Variants in CUX1 observed in about 807,000 individuals in gnomAD.
CUX1 encodes the protein cut like homeobox 1.
In CUX1, 31 loss-of-function variants were observed where a neutral mutation model predicts 158.8. The observed-to-expected ratio is 0.20, with a 90% CI of 0.15 to 0.26. CUX1 has a LOEUF of 0.26. CUX1 is among the 10% of genes least tolerant of loss of function. The probability of loss-of-function intolerance (pLI) is 1.00; values close to 1 mark genes in which losing one functional copy is unlikely to be tolerated. For synonymous variants in CUX1, 879 were observed against 862.1 expected, an observed-to-expected ratio of 1.02 and a Z score of -0.34; for missense variants, 1,589 against 2,014.6, an observed-to-expected ratio of 0.79 and a Z score of 4.04.
At position 102,248,941 on chromosome 7, in the gene CUX1, G is replaced by A; in HGVS notation, c.4417G>A (p.Asp1473Asn). ...GGCCGCGGGCGCCCGGGACTCGCGC[G>A]ACAACCCCCTGCGCAAGAAGAAGGC... is the stretch of plus-strand genomic sequence containing the variant. ...PEAAGARDSRDNPLRKKKAAN... is the reference protein window; with the variant it reads ...PEAAGARDSRNNPLRKKKAAN... Residue 1473 changes from aspartate to asparagine, a missense_variant, in exon 24 of 24, where the codon GAC becomes AAC. By Grantham distance (23) the Asp-to-Asn change is conservative. Coordinates refer to ENST00000292535, the MANE Select transcript of CUX1 (RefSeq NM_181552.4). The surrounding 1 kb of genome is among the most constrained non-coding windows in gnomAD (Gnocchi z 5.8). The A allele has an allele frequency of 6.7e-7, 1 of 1,483,606 alleles. No homozygotes were observed. Among genetic ancestry groups the A allele is most frequent in the Non-Finnish European group, 9.0e-7 (1 of 1,112,082 alleles). 91.9% of individuals were successfully genotyped at this position (1,483,606 alleles called of 1,614,324 possible).
intron 1 of CUX1, among the ~76,000 whole-genome samples, chr7:101,860,731 T>C (rs1797351178): frequency 7.2e-6 from 1 of 139,456 alleles, no homozygotes; most frequent in Non-Finnish European, 1.5e-5. Flanking sequence ...TATCTCCCCT[T>C]CCTCCCTTCC....
intron 3 of CUX1, among the ~76,000 whole-genome samples, chr7:102,030,844 T>C (rs1289644155): frequency 1.3e-5 from 2 of 151,870 alleles, no homozygotes; most frequent in Admixed American, 1.3e-4. Flanking sequence ...GGACTATACA[T>C]GTGCACCACC....
chr7:101,973,512 G>A (rs1812247774), intron 2 of CUX1, among the ~76,000 whole-genome samples: 1 of 152,068 alleles, frequency 6.6e-6, no homozygotes, highest in Admixed American at 6.6e-5. Flanking sequence ...ATGCATACAG[G>A]GAAAGTTATG....
At chr7:101,870,023 C>T (rs879469292) in intron 1 of CUX1, among the ~76,000 whole-genome samples, 3 of 151,936 alleles carry the variant, frequency 2.0e-5, no homozygotes, top group Admixed American at 6.6e-5. Flanking sequence ...CTCCTGAGAC[C>T]GCCTCCCTGT....
intron 4 of CUX1, among the ~76,000 whole-genome samples, chr7:102,072,988 C>G (rs1401932149): frequency 6.6e-6 from 1 of 151,846 alleles, no homozygotes; most frequent in East Asian, 1.9e-4. Flanking sequence ...CATTCTATTC[C>G]AAGAAGTTCT....
intron 3 of CUX1, among the ~76,000 whole-genome samples, chr7:102,067,601 TC>T (rs1238948952): frequency 1.3e-5 from 2 of 151,930 alleles, no homozygotes; most frequent in African/African-American, 2.4e-5. Flanking sequence ...ATAGTCTGAC[TC>T]CTGCCGGTGA....
At chr7:102,228,742 G>A (rs1437862298) in intron 21 of CUX1, among the ~76,000 whole-genome samples, 2 of 152,180 alleles carry the variant, frequency 1.3e-5, no homozygotes, top group African/African-American at 4.8e-5. Flanking sequence ...AGGCTGCAGT[G>A]AGCTATGACC....
intron 2 of CUX1, among the ~76,000 whole-genome samples, chr7:101,978,733 C>G (rs907728935): frequency 4.6e-5 from 7 of 152,370 alleles, no homozygotes; most frequent in African/African-American, 1.7e-4. Flanking sequence ...CTGTCCTCCT[C>G]CTCTGCGCCC....
At chr7:101,975,173 C>A (rs1812493163) in intron 2 of CUX1, among the ~76,000 whole-genome samples, 1 of 152,010 alleles carries the variant, frequency 6.6e-6, no homozygotes, top group Non-Finnish European at 1.5e-5. Context: ...ATCCCTTGAA[C>A]CCGAGAGATG....
At chr7:101,893,188 A>G (rs1383941456) in intron 1 of CUX1, among the ~76,000 whole-genome samples, 1 of 43,166 alleles carries the variant, frequency 2.3e-5, no homozygotes, top group Admixed American at 2.8e-4. Flanking sequence ...TTTTTTTTAA[A>G]ATAGAGATGA....
chr7:102,200,295 A>G, intron 17 of CUX1, 123 bp downstream of exon 17: 7 of 723,910 alleles, frequency 9.7e-6, no homozygotes, highest in Non-Finnish European at 1.5e-5. Flanking sequence ...GTTCTCAAGC[A>G]TTTAGGCACG....
At chr7:101,857,850 T>A (rs1425346918) in intron 1 of CUX1, among the ~76,000 whole-genome samples, 1 of 151,756 alleles carries the variant, frequency 6.6e-6, no homozygotes. Flanking sequence ...GGGCTGGGGG[T>A]GGTGGCTCAC....
chr7:101,923,469 C>G (rs1020098208), intron 2 of CUX1, among the ~76,000 whole-genome samples: 1 of 152,194 alleles, frequency 6.6e-6, no homozygotes, highest in Non-Finnish European at 1.5e-5. Context: ...TCAGTCGGCC[C>G]AGTCCTACTC....
chr7:102,234,083 G>A lies in CUX1; in HGVS notation c.3465G>A (p.Gly1155=), dbSNP rs903881104. The part of the protein sequence containing the change: ...GQRLFGETIL[G]LTQGSVSDLL... ...GCTTATTTGGGGAGACCATCTTAGG[G>A]CTCACCCAAGGCTCTGTCTCTGACC... is the stretch of plus-strand genomic sequence containing the variant. The change falls in exon 22 of 24, where the codon GGG becomes GGA. Residue 1155 remains glycine, a synonymous_variant. Transcript: ENST00000292535. The A allele has an allele frequency of 6.4e-7, 1 of 1,570,838 alleles. No homozygotes were observed. The highest frequency in any genetic ancestry group is 8.6e-7 in the Non-Finnish European group (1 of 1,161,488).
At chr7:102,023,557 A>G (rs1351282906) in intron 2 of CUX1, among the ~76,000 whole-genome samples, 1 of 152,102 alleles carries the variant, frequency 6.6e-6, no homozygotes, top group Non-Finnish European at 1.5e-5. Context: ...TGCAGCCTCA[A>G]CCACCCGGGT....
chr7:102,217,093 A>C (rs1444248008), intron 20 of CUX1, among the ~76,000 whole-genome samples: 2 of 152,212 alleles, frequency 1.3e-5, no homozygotes, highest in Non-Finnish European at 2.9e-5. Flanking sequence ...GTAATTTGAA[A>C]GCATCATTTC....
chr7:102,218,277 G>A (rs1319682925), intron 20 of CUX1, among the ~76,000 whole-genome samples: 2 of 152,226 alleles, frequency 1.3e-5, no homozygotes, highest in Non-Finnish European at 2.9e-5. Context: ...GGCACATGGA[G>A]GGTTTCCCCA....
intron 2 of CUX1, among the ~76,000 whole-genome samples, chr7:101,993,494 AG>A (rs1815413651): frequency 6.6e-6 from 1 of 152,176 alleles, no homozygotes; most frequent in South Asian, 2.1e-4. Context: ...CAGGCCTCCC[AG>A]GGGAGCACTT....
chr7:102,175,668 C>G (rs545508060), intron 10 of CUX1, among the ~76,000 whole-genome samples: 1 of 152,210 alleles, frequency 6.6e-6, no homozygotes, highest in South Asian at 2.1e-4. Flanking sequence ...CCAGCCCTCC[C>G]GAGGCCCACC....
Sources: allele counts gnomAD v4.1 joint callset (sites outside exome capture counted in the v4.1 genomes callset), GRCh38; gene constraint gnomAD v4.1.1; non-coding constraint Gnocchi (gnomAD v3.1); transcripts MANE v1.5; gene names NCBI Gene and HGNC (gene_info 2026-07-23, HGNC 2026-07-21).